The following COL26A1 variants were observed in gnomAD, a reference collection of about 807,000 sequenced individuals.
COL26A1 encodes the protein collagen alpha-1(XXVI) chain.
Under a neutral mutation model 59.3 loss-of-function variants are expected in COL26A1, and 41 were observed. That is an observed-to-expected ratio of 0.69 (90% CI 0.54 to 0.90). The LOEUF (loss-of-function observed/expected upper bound fraction) is 0.90, where lower values mean the gene tolerates loss of function less well. COL26A1 is among the 40% of genes least tolerant of loss of function. The pLI is 0.00. For synonymous variants in COL26A1, 266 were observed against 256.0 expected (o/e 1.04, Z -0.37); for missense variants, 612 against 602.3 (o/e 1.02, Z -0.17).
At chr7:101,374,710 T>C (rs189069001) in intron 1 of COL26A1, among the ~76,000 whole-genome samples, 1 of 152,284 alleles carries the variant, frequency 6.6e-6, no homozygotes, top group East Asian at 1.9e-4. Context: ...TTCTACATGA[T>C]GGTGAGTAGT....
Position 101,525,066 on chromosome 7 carries a change from G to A in COL26A1, c.386-8016G>A, listed in dbSNP as rs528280124. Among the ~76,000 whole-genome samples the A allele has an allele frequency of 1.5e-4, 22 of 150,140 alleles. 1 individual carries two copies. The highest frequency in any genetic ancestry group is 9.9e-4 in the Admixed American group (15 of 15,092). On this transcript the variant is annotated intron_variant, in intron 3 of 12. Coordinates refer to ENST00000313669, the MANE Select transcript of COL26A1 (RefSeq NM_001278563.3). ...CAGAGAAGAATCTTATGAATCTTAT[G>A]ATTTGTGAGTGTGTGGCATGGCCTT...
At chr7:101,367,211 A>G (rs1791067625) in intron 1 of COL26A1, among the ~76,000 whole-genome samples, 1 of 152,204 alleles carries the variant, frequency 6.6e-6, no homozygotes, top group Non-Finnish European at 1.5e-5. Context: ...ATATTATATC[A>G]GGAGATGCTC....
At chr7:101,536,499 G>A (rs892102310) in intron 4 of COL26A1, among the ~76,000 whole-genome samples, 2 of 152,218 alleles carry the variant, frequency 1.3e-5, no homozygotes, top group African/African-American at 2.4e-5. Flanking sequence ...AGAGGCTAGG[G>A]GTCAGCCAGG....
At chr7:101,454,333 C>T (rs534628997) in intron 3 of COL26A1, among the ~76,000 whole-genome samples, 12 of 145,076 alleles carry the variant, frequency 8.3e-5, no homozygotes, top group Admixed American at 8.0e-4. Context: ...GGCATGATCT[C>T]GGCTCACTGC....
At position 101,434,305 on chromosome 7, in the gene COL26A1, G is replaced by A. The variant is rs1168012765; in HGVS notation, c.282-13379G>A. ...GTCTTGCTCTGTTGCCCAGGCTGGA[G>A]TGCAATGGCACAATCATGGCTCACT... On this transcript the variant is annotated intron_variant, in intron 2 of 12. Transcript: ENST00000313669. 2.0e-5 allele frequency among the ~76,000 whole-genome samples: 3 copies of A among 151,254 alleles called. No individual in the cohort carries two copies. The Admixed American group carries it at 2.0e-4, about 10-fold the overall frequency.
intron 2 of COL26A1, among the ~76,000 whole-genome samples, chr7:101,439,195 G>A (rs1792987128): frequency 6.6e-6 from 1 of 151,868 alleles, no homozygotes; most frequent in Admixed American, 6.6e-5. Flanking sequence ...ATCCTGAAGG[G>A]GTGCCAACAG....
At chr7:101,493,092 A>G (rs1348529873) in intron 3 of COL26A1, among the ~76,000 whole-genome samples, 1 of 152,220 alleles carries the variant, frequency 6.6e-6, no homozygotes, top group Non-Finnish European at 1.5e-5. Context: ...GAGAATAAGA[A>G]TGGGGAAGAG....
intron 1 of COL26A1, among the ~76,000 whole-genome samples, chr7:101,401,771 AGAG>A (rs747742550): frequency 6.1e-5 from 9 of 148,214 alleles, no homozygotes; most frequent in Non-Finnish European, 9.0e-5. Context: ...AGGAGGGAGA[AGAG>A]GAGGAGGAGG....
At chr7:101,408,854 T>G (rs1792184690) in intron 1 of COL26A1, among the ~76,000 whole-genome samples, 1 of 152,166 alleles carries the variant, frequency 6.6e-6, no homozygotes, top group African/African-American at 2.4e-5. Context: ...TGGCTCCTGG[T>G]CTTCCACAGT....
intron 1 of COL26A1, among the ~76,000 whole-genome samples, chr7:101,404,326 C>T (rs944928651): frequency 7.9e-5 from 12 of 152,138 alleles, no homozygotes; most frequent in African/African-American, 1.2e-4. Flanking sequence ...GTTTTTACAA[C>T]GCATCTGAAA....
At chr7:101,382,076 T>C (rs1189322716) in intron 1 of COL26A1, among the ~76,000 whole-genome samples, 1 of 152,150 alleles carries the variant, frequency 6.6e-6, no homozygotes, top group Non-Finnish European at 1.5e-5. Flanking sequence ...TGAGATAGGG[T>C]CTTGGCCTGT....
intron 3 of COL26A1, among the ~76,000 whole-genome samples, chr7:101,496,619 G>A (rs1317184483): frequency 2.0e-5 from 3 of 152,168 alleles, no homozygotes; most frequent in Non-Finnish European, 4.4e-5. Flanking sequence ...TTCTTGGACA[G>A]GGGCGGTGGC....
At chr7:101,483,500 T>A (rs940378027) in intron 3 of COL26A1, among the ~76,000 whole-genome samples, 1 of 149,946 alleles carries the variant, frequency 6.7e-6, no homozygotes, top group East Asian at 2.0e-4. Context: ...CCAGCCTTTT[T>A]AATTTAATTT....
At chr7:101,474,202 C>T (rs1205292422) in intron 3 of COL26A1, among the ~76,000 whole-genome samples, 3 of 152,056 alleles carry the variant, frequency 2.0e-5, no homozygotes, top group African/African-American at 7.2e-5. Context: ...GGATGAAGGC[C>T]ACATAGATAG....
chr7:101,368,249 CTT>C (rs1256405529), intron 1 of COL26A1, among the ~76,000 whole-genome samples: 1 of 152,182 alleles, frequency 6.6e-6, no homozygotes, highest in Non-Finnish European at 1.5e-5. Flanking sequence ...GGTTGTCTCT[CTT>C]TTTCTCTCGT....
At chr7:101,366,667 A>G (rs2410824) in intron 1 of COL26A1, among the ~76,000 whole-genome samples, 87,935 of 151,412 alleles carry the variant, frequency 0.58, 27,085 homozygotes, top group African/African-American at 0.8. Context: ...TGGCTGGCTA[A>G]CTTTTAAATT....
intron 3 of COL26A1, among the ~76,000 whole-genome samples, chr7:101,486,644 G>A (rs1359709906): frequency 6.6e-6 from 1 of 152,246 alleles, no homozygotes; most frequent in East Asian, 1.9e-4. Context: ...TAGTACATCT[G>A]TTGTTAATCC....
chr7:101,456,277 T>C (rs1189356885), intron 3 of COL26A1, among the ~76,000 whole-genome samples: 4 of 151,456 alleles, frequency 2.6e-5, no homozygotes, highest in Admixed American at 2.6e-4. Flanking sequence ...AGTGGTGTGA[T>C]CATGGCTCAC....
At chr7:101,554,713 C>T (rs191498559) in intron 11 of COL26A1, among the ~76,000 whole-genome samples, 3 of 152,164 alleles carry the variant, frequency 2.0e-5, no homozygotes, top group East Asian at 3.9e-4. Context: ...CACTGTACTC[C>T]AGTCTGGGTG....
Sources: gnomAD v4.1 joint callset for allele counts (sites outside exome capture counted in the v4.1 genomes callset) on GRCh38, gnomAD v4.1.1 for gene constraint, MANE v1.5 for transcripts, NCBI Gene and HGNC (gene_info 2026-07-23, HGNC 2026-07-21) for gene names.